The following MNS1 variants were observed in gnomAD, a reference collection of about 807,000 sequenced individuals.
MNS1 encodes the protein meiosis-specific nuclear structural protein 1.
Under a neutral mutation model 72.0 loss-of-function variants are expected in MNS1, and 63 were observed. That is an observed-to-expected ratio of 0.87 (90% confidence interval 0.71 to 1.08). The LOEUF (loss-of-function observed/expected upper bound fraction) is 1.08. Among genes scored for constraint, MNS1 ranks in the 50% least tolerant of loss-of-function variants. The pLI is 0.00. For synonymous variants in MNS1, 188 were observed against 172.1 expected (o/e 1.09, Z -0.72); for missense variants, 604 against 562.4 (o/e 1.07, Z -0.75).
intron 7 of MNS1, among the ~76,000 whole-genome samples, chr15:56,435,007 A>G (rs2050696250): frequency 6.6e-6 from 1 of 152,124 alleles, no homozygotes; most frequent in Non-Finnish European, 1.5e-5. Flanking sequence ...AAAATTTCAT[A>G]CATACTAAAA....
chr15:56,450,604 G>A (rs1166595482), intron 3 of MNS1, among the ~76,000 whole-genome samples: 1 of 151,730 alleles, frequency 6.6e-6, no homozygotes, highest in African/African-American at 2.4e-5. Context: ...TTTTATAACT[G>A]AAGGATATTG....
chr15:56,436,324 A>G (rs891869120), intron 7 of MNS1, among the ~76,000 whole-genome samples: 1 of 152,224 alleles, frequency 6.6e-6, no homozygotes, highest in Non-Finnish European at 1.5e-5. Flanking sequence ...GCTCAGCTAC[A>G]TGGAAAGTGA....
At chr15:56,455,506 T>G (rs2050976173) in intron 3 of MNS1, among the ~76,000 whole-genome samples, 1 of 152,164 alleles carries the variant, frequency 6.6e-6, no homozygotes, top group African/African-American at 2.4e-5. Flanking sequence ...TCCTGTAATA[T>G]TCTACAGACG....
Position 56,460,027 on chromosome 15 carries a change from T to C in MNS1, c.226-3506A>G, listed in dbSNP as rs1292235230. Among the ~76,000 whole-genome samples, 4 of 90,936 alleles carry C rather than the reference T, an allele frequency of 4.4e-5. No homozygotes were observed. The East Asian group carries it at 1.2e-3, about 27-fold the overall frequency. The allele number at this position is 90,936 out of a possible 152,430, so 59.7% of individuals were successfully genotyped here. A position where few individuals can be genotyped will look rare whatever the true frequency, so the allele number is the denominator to read the frequency against. ...AAAAAAAAATACATATATATATATA[T>C]ATATATATGTGACTATAGTTTATTC... On this transcript the variant is annotated intron_variant, in intron 2 of 9. Coordinates refer to ENST00000260453, the MANE Select transcript of MNS1 (RefSeq NM_018365.4).
intron 2 of MNS1, 73 bp from the exon 3 acceptor site, chr15:56,456,594 A>G (rs1423788870): frequency 1.4e-5 from 21 of 1,518,594 alleles, no homozygotes; most frequent in Non-Finnish European, 1.9e-5. Flanking sequence ...AATTTGTTTT[A>G]TAACAGAAAA....
At chr15:56,463,961 G>T in intron 2 of MNS1, 65 bp downstream of exon 2, 2 of 1,298,820 alleles carry the variant, frequency 1.5e-6, no homozygotes, top group Non-Finnish European at 1.1e-6. Flanking sequence ...AGCATTAACA[G>T]CTGACTTTCA....
chr15:56,434,324 C>T lies in MNS1; in HGVS notation c.1083G>A (p.Lys361=). 1 of 1,613,738 alleles carries T rather than the reference C, an allele frequency of 6.2e-7. No homozygotes were observed. The highest frequency in any genetic ancestry group is 8.5e-7 in the Non-Finnish European group (1 of 1,179,856). The change falls in exon 8 of 10, where the codon AAG becomes AAA. Residue 361 remains lysine, a synonymous_variant. Transcript: ENST00000260453. The part of the protein sequence containing the change: ...KQDFEEQMAL[K]ELVLQAAKEE... ...CTTTTGCAGCCTGTAGCACTAATTC[C>T]TTCAAGGCCATTTGTTCTTCAAAAT... is the stretch of plus-strand genomic sequence containing the variant.
chr15:56,457,614 G>A (rs2050989643), intron 2 of MNS1, among the ~76,000 whole-genome samples: 1 of 152,122 alleles, frequency 6.6e-6, no homozygotes, highest in Admixed American at 6.6e-5. Flanking sequence ...TTAAGGCCAG[G>A]AGTTTGAGAC....
At chr15:56,436,680 A>C (rs1368630361) in intron 7 of MNS1, among the ~76,000 whole-genome samples, 3 of 152,184 alleles carry the variant, frequency 2.0e-5, no homozygotes, top group Non-Finnish European at 4.4e-5. Context: ...TGGTTTTCTG[A>C]GAAGATCAAC....
At chr15:56,458,233 G>T (rs795778) in intron 2 of MNS1, among the ~76,000 whole-genome samples, 21,523 of 152,150 alleles carry the variant, frequency 0.14, 4,685 homozygotes, top group African/African-American at 0.47. Context: ...ATTCAGTGAT[G>T]TTGTATATTC....
At chr15:56,431,581 A>G (rs2050597784) in intron 8 of MNS1, 83 bp from the exon 9 acceptor site, 18 of 1,362,750 alleles carry the variant, frequency 1.3e-5, no homozygotes, top group South Asian at 7.7e-5. Context: ...CATGCAATGA[A>G]TTAGATAAAA....
chr15:56,435,986 A>G (rs766914957), intron 7 of MNS1, among the ~76,000 whole-genome samples: 6 of 152,100 alleles, frequency 3.9e-5, no homozygotes, highest in Non-Finnish European at 7.4e-5. Flanking sequence ...GACTGGTTCA[A>G]TACTCAAAAA....
At chr15:56,447,557 ACTTT>A (rs2050916154) in intron 3 of MNS1, 1 of 152,122 alleles carries the variant, frequency 6.6e-6, no homozygotes, top group Non-Finnish European at 1.5e-5. Context: ...TTCAAATCTC[ACTTT>A]CTAATTGTTG....
chr15:56,434,054 T>A, intron 8 of MNS1, 84 bp downstream of exon 8: 1 of 1,402,236 alleles, frequency 7.1e-7, no homozygotes, highest in Admixed American at 2.2e-5. Flanking sequence ...CATATAAAGC[T>A]TCTCAGTAAA....
rs144384541 is a variant in MNS1, at chr15:56,449,539, A to G, written c.354-2596T>C. Among the ~76,000 whole-genome samples the G allele has an allele frequency of 2.4e-4, 36 of 152,288 alleles. No homozygotes were observed. In the East Asian group the frequency reaches 6.6e-3, roughly 28 times the overall value. On this transcript the variant is annotated intron_variant, in intron 3 of 9. Coordinates refer to ENST00000260453, the MANE Select transcript of MNS1 (RefSeq NM_018365.4). ...AGATTACAGGAGCTAAATTCATGAG[A>G]GAGATTAGTCTACAGGTTTCTCATA...
chr15:56,463,039 T>C (rs1193568211), intron 2 of MNS1, among the ~76,000 whole-genome samples: 1 of 152,170 alleles, frequency 6.6e-6, no homozygotes, highest in African/African-American at 2.4e-5. Context: ...TTTGTTATTC[T>C]CCACAAAATC....
intron 7 of MNS1, among the ~76,000 whole-genome samples, chr15:56,436,980 A>G (rs1239943574): frequency 2.6e-5 from 4 of 152,102 alleles, no homozygotes; most frequent in South Asian, 4.2e-4. Context: ...CAACCAAAAA[A>G]AGTCCAGGAC....
intron 2 of MNS1, among the ~76,000 whole-genome samples, chr15:56,461,622 C>G (rs2051021050): frequency 7.8e-6 from 1 of 127,602 alleles, no homozygotes; most frequent in African/African-American, 2.9e-5. Flanking sequence ...GATGGTGCGG[C>G]TGCACTCCAG....
intron 4 of MNS1, among the ~76,000 whole-genome samples, chr15:56,446,573 A>G (rs1332971788): frequency 6.6e-6 from 1 of 151,450 alleles, no homozygotes; most frequent in Non-Finnish European, 1.5e-5. Flanking sequence ...CTACTTTGTC[A>G]GTGAATAATC....
Sources: gnomAD v4.1 joint callset for allele counts (sites outside exome capture counted in the v4.1 genomes callset) on GRCh38, gnomAD v4.1.1 for gene constraint, MANE v1.5 for transcripts, NCBI Gene and HGNC (gene_info 2026-07-23, HGNC 2026-07-21) for gene names.